The following RNF213 variants were observed in gnomAD, a reference collection of about 807,000 sequenced individuals.
The protein encoded by RNF213 is ring finger protein 213.
In RNF213, 341 loss-of-function variants were observed where a neutral mutation model predicts 514.4. The observed-to-expected ratio is 0.66, with a 90% confidence interval of 0.61 to 0.73. The LOEUF is 0.73. Ranked by LOEUF, RNF213 falls within the 30% of genes least tolerant of loss-of-function variation. The pLI, the probability that RNF213 is intolerant of heterozygous loss-of-function variation, is 0.00. For missense variants in RNF213, 5,767 were observed against 6,615.6 expected (o/e 0.87, Z 4.45); for synonymous variants, 2,655 against 2,658.2 (o/e 1.00, Z 0.04).
At chr17:80,352,896 G>C in intron 32 of RNF213, 44 bp from the exon 33 acceptor site, 1 of 1,613,452 alleles carries the variant, frequency 6.2e-7, no homozygotes, top group Non-Finnish European at 8.5e-7. Context: ...AGCAGCAGCC[G>C]GGAAAGACAC....
In RNF213 at chr17:80,327,875, G is replaced by C; in HGVS notation, c.3253G>C (p.Ala1085Pro). ...GGATGCCAAGAGGCTGATAGCTGTT[G>C]CCGACTCTGTGTTGACGAAAGTTGT... ...TEDAKRLIAV[A>P]DSVLTKVVGD... The change falls in exon 19 of 68, where the codon GCC becomes CCC. Residue 1085 changes from alanine (A) to proline (P), a missense_variant. By Grantham distance (27) the Ala-to-Pro change is conservative. This residue lies in a region of RNF213 where 516 missense variants were observed against 566.5 expected (regional missense o/e 0.91). Transcript: ENST00000582970. 1 of 1,537,288 alleles carries C rather than the reference G, an allele frequency of 6.5e-7. No homozygotes were observed. Among genetic ancestry groups the C allele is most frequent in the East Asian group, 2.4e-5 (1 of 40,924 alleles).
chr17:80,375,060 T>C (rs775273082), intron 50 of RNF213: 129 of 188,624 alleles, frequency 6.8e-4, no homozygotes, highest in South Asian at 1.5e-3. Flanking sequence ...AACCTTTAAA[T>C]TGGTCTGGTC....
chr17:80,373,082 C>A lies in RNF213; in HGVS notation c.12859C>A (p.Arg4287=), dbSNP rs994498410. ...CCTGGTGCGGAAGCTCAGCAGCCAG[C>A]GGGGGATGGAGTTCGTGCAGGGCCT... is the stretch of plus-strand genomic sequence containing the variant. ...VYLVRKLSSQ[R]GMEFVQGLSK... Residue 4287 remains arginine, a synonymous_variant, in exon 49 of 68, where the codon CGG becomes AGG. Transcript: ENST00000582970. 3 of 1,613,744 alleles carry A rather than the reference C, an allele frequency of 1.9e-6. No individual in the cohort carries two copies. The highest frequency in any genetic ancestry group is 2.5e-6 in the Non-Finnish European group (3 of 1,179,988).
chr17:80,360,337 G>T, intron 38 of RNF213, 131 bp downstream of exon 38: 1 of 1,052,566 alleles, frequency 9.5e-7, no homozygotes. Context: ...CACTTTGTTT[G>T]TGCAGTAAGC....
rs1164429937 is a variant in RNF213, at chr17:80,350,360, A to G, written c.10148A>G (p.Asp3383Gly). The G allele has an allele frequency of 6.2e-6, 10 of 1,611,848 alleles. No homozygotes were observed. The highest frequency in any genetic ancestry group is 1.3e-5 in the African/African-American group (1 of 74,890). ...KILIFQTDFE[D>G]GIRSAQLIAS... ...CTCATTTTTCAGACAGATTTTGAAGATGGAATCCGTAGCGCCCAGCTCATT... is the reference window on the plus strand; with the variant it reads ...CTCATTTTTCAGACAGATTTTGAAGGTGGAATCCGTAGCGCCCAGCTCATT... Residue 3383 changes from aspartate to glycine, a missense_variant, in exon 31 of 68, where the codon GAT (aspartate) becomes GGT (glycine). Coordinates refer to ENST00000582970, the MANE Select transcript of RNF213 (RefSeq NM_001256071.3).
At chr17:80,303,598 C>G (rs2045256951) in intron 11 of RNF213, among the ~76,000 whole-genome samples, 1 of 144,390 alleles carries the variant, frequency 6.9e-6, no homozygotes, top group Admixed American at 7.2e-5. Flanking sequence ...CAGTCCTGCT[C>G]TGTCGCCCAG....
In RNF213 at chr17:80,390,499, C is replaced by T. The variant is rs369701750; in HGVS notation, c.15470+303C>T. 1.5e-3 allele frequency among the ~76,000 whole-genome samples: 226 copies of T among 151,044 alleles called. 1 individual carries two copies. Among genetic ancestry groups the T allele is most frequent in the African/African-American group, 5.2e-3 (210 of 40,420 alleles). ...GCAACCTCTGCCTCCCAGGTTCAAG[C>T]GAGTCTCATGCCTCAGCTTCCCAAA... On this transcript the variant is annotated intron_variant, in intron 67 of 67. Transcript: ENST00000582970.
intron 20 of RNF213, 112 bp downstream of exon 20, chr17:80,328,589 T>A (rs200237197): frequency 1.2e-3 from 1,100 of 926,714 alleles, no homozygotes; most frequent in African/African-American, 2.3e-3. Context: ...GGCTTTAAAA[T>A]TTTTTTTTTA....
In RNF213 at chr17:80,347,434, G is replaced by T; in HGVS notation, c.9099G>T (p.Glu3033Asp). 1 of 1,614,024 alleles carries T rather than the reference G, an allele frequency of 6.2e-7. No homozygotes were observed. The stretch of plus-strand genomic sequence containing the variant: ...CTTCTCAGAAGGTGCCGGGTGGAGA[G>T]CAGGAAGATGCTGAGTCCCGCTACT... ...FGPSQKVPGG[E>D]QEDAESRYLL... is the part of the protein sequence containing the mutation. The change falls in exon 29 of 68, where the codon GAG becomes GAT. Residue 3033 changes from glutamate to aspartate, a missense_variant. Around this residue, in one of 13 missense-constraint regions of RNF213, gnomAD observed 919 missense variants for 1,121.0 expected, o/e 0.82. Transcript: ENST00000582970. This position sits in a 1 kb window ranked among gnomAD's most constrained non-coding sequence, Gnocchi z 7.2.
chr17:80,383,960 T>C (rs1318516041), intron 59 of RNF213, 32 bp downstream of exon 59: 7 of 1,613,958 alleles, frequency 4.3e-6, no homozygotes, highest in Non-Finnish European at 5.1e-6. Context: ...TCCCTCCCTC[T>C]TTCGGTGCAG....
chr17:80,335,961 A>G (rs2077976366), intron 22 of RNF213, among the ~76,000 whole-genome samples, 200 bp from the exon 23 acceptor site: 1 of 141,798 alleles, frequency 7.1e-6, no homozygotes, highest in African/African-American at 2.7e-5. Context: ...TGGGTGACAG[A>G]GTGAGACTCT....
Position 80,375,733 on chromosome 17 carries a change from TCTTA to T in RNF213, c.13075-23_13075-20del. Reference sequence around the variant, plus strand: ...AAAAAGATGTGTTGAGCTTTTAAATTCTTACTTGATACCCTTGATTTTGCAGGCC... The same window carrying T: ...AAAAAGATGTGTTGAGCTTTTAAATTCTTGATACCCTTGATTTTGCAGGCC... On this transcript the variant is annotated intron_variant, in intron 50 of 67. Coordinates refer to ENST00000582970, the MANE Select transcript of RNF213 (RefSeq NM_001256071.3). 6 of 1,500,760 alleles carry T rather than the reference TCTTA, an allele frequency of 4.0e-6. No homozygotes were observed. The South Asian group carries it at 5.6e-5, about 14-fold the overall frequency. The allele number at this position is 1,500,760 out of a possible 1,614,324, so 93.0% of individuals were successfully genotyped here. A position where few individuals can be genotyped will look rare whatever the true frequency, so the allele number is the denominator to read the frequency against.
intron 17 of RNF213, chr17:80,319,781 C>T: frequency 8.0e-7 from 1 of 1,253,686 alleles, no homozygotes; most frequent in South Asian, 1.6e-5. Flanking sequence ...GATTGTGCCC[C>T]CCTGTCTCCC....
At chr17:80,316,770 G>A (rs909873144) in intron 15 of RNF213, 12 of 320,686 alleles carry the variant, frequency 3.7e-5, no homozygotes, top group Admixed American at 8.3e-5. Context: ...TGCAGAGTCC[G>A]AAGAGGGAGC....
chr17:80,372,091 G>A, intron 47 of RNF213, 106 bp downstream of exon 47: 1 of 747,334 alleles, frequency 1.3e-6, no homozygotes, highest in Admixed American at 2.1e-5. Context: ...CGAATGCTCT[G>A]TTCCGTGCAG....
At chr17:80,266,238 T>G (rs2043606824) in intron 2 of RNF213, among the ~76,000 whole-genome samples, 1 of 148,084 alleles carries the variant, frequency 6.8e-6, no homozygotes, top group South Asian at 2.1e-4. Flanking sequence ...GCCCAGGAGT[T>G]CGAGAGCAGC....
intron 21 of RNF213, 68 bp from the exon 22 acceptor site, chr17:80,334,037 C>T (rs1239652552): frequency 3.9e-6 from 6 of 1,527,932 alleles, no homozygotes; most frequent in Middle Eastern, 1.7e-4. Context: ...ACGGTCAGTG[C>T]TTGCAGCTCA....
chr17:80,381,790 G>A (rs1010332562), intron 57 of RNF213, 63 bp downstream of exon 57: 15 of 1,489,980 alleles, frequency 1.0e-5, no homozygotes, highest in African/African-American at 8.3e-5. Context: ...AAGCAGGCTC[G>A]CTGTCTTGTG....
chr17:80,267,217 CAAA>C (rs201148773), intron 2 of RNF213, among the ~76,000 whole-genome samples: 1 of 111,896 alleles, frequency 8.9e-6, no homozygotes, highest in Non-Finnish European at 1.9e-5. Flanking sequence ...GACTCTGTCT[CAAA>C]AAAAAAAAAG....
Sources: allele counts gnomAD v4.1 joint callset (sites outside exome capture counted in the v4.1 genomes callset), GRCh38; gene constraint gnomAD v4.1.1; regional missense constraint gnomAD v4.1.1; non-coding constraint Gnocchi (gnomAD v3.1); transcripts MANE v1.5; gene names NCBI Gene and HGNC (gene_info 2026-07-23, HGNC 2026-07-21).